The following CLDN10 variants were observed in gnomAD, a reference collection of about 807,000 sequenced individuals.
CLDN10 encodes the protein claudin-10.
Under a neutral mutation model 22.9 loss-of-function variants are expected in CLDN10, and 15 were observed. The ratio of observed to expected loss-of-function variants is 0.65; its 90% CI spans 0.44 to 1.01. The LOEUF (loss-of-function observed/expected upper bound fraction) is 1.01. Among genes scored for constraint, CLDN10 ranks in the 50% least tolerant of loss-of-function variants. CLDN10 has a pLI of 0.00. For missense variants in CLDN10, 247 were observed against 287.8 expected (o/e 0.86, Z 1.03); for synonymous variants, 114 against 111.4 (o/e 1.02, Z -0.15).
At chr13:95,535,902 G>A (rs2043395559) in intron 1 of CLDN10, among the ~76,000 whole-genome samples, 1 of 152,130 alleles carries the variant, frequency 6.6e-6, no homozygotes, top group Non-Finnish European at 1.5e-5. Flanking sequence ...GAGCAACTAT[G>A]AAAAAGGTGC....
At chr13:95,453,221 C>T (rs886513903) in intron 1 of CLDN10, among the ~76,000 whole-genome samples, 2 of 152,210 alleles carry the variant, frequency 1.3e-5, no homozygotes, top group Admixed American at 6.5e-5. Flanking sequence ...CAGGAGTCCC[C>T]TCCCTAAACA....
At chr13:95,442,631 A>G (rs544426521) in intron 1 of CLDN10, among the ~76,000 whole-genome samples, 5 of 152,318 alleles carry the variant, frequency 3.3e-5, no homozygotes, top group Admixed American at 3.3e-4. Context: ...GGGCTCCTAC[A>G]AGCTCAGGGT....
intron 3 of CLDN10, among the ~76,000 whole-genome samples, chr13:95,574,301 C>G (rs1234435929): frequency 2.6e-5 from 4 of 151,936 alleles, no homozygotes; most frequent in African/African-American, 9.7e-5. Context: ...AAAGAACAAA[C>G]AAGAGCCCTC....
At chr13:95,546,356 G>A (rs994915619) in intron 1 of CLDN10, among the ~76,000 whole-genome samples, 3 of 152,022 alleles carry the variant, frequency 2.0e-5, no homozygotes, top group African/African-American at 7.2e-5. Context: ...TAATCTCTCT[G>A]TGGTTCAGTT....
At chr13:95,558,201 T>G (rs79395376) in intron 1 of CLDN10, among the ~76,000 whole-genome samples, 1 of 152,132 alleles carries the variant, frequency 6.6e-6, no homozygotes, top group Admixed American at 6.5e-5. Context: ...ATGAACCAGT[T>G]TGGGTTATCC....
intron 1 of CLDN10, among the ~76,000 whole-genome samples, chr13:95,538,154 T>A (rs1174914710): frequency 0.067 from 288 of 4,268 alleles, 4 homozygotes; most frequent in African/African-American, 0.11. Flanking sequence ...TGTTTATTTC[T>A]TTTTTTTTTT....
chr13:95,442,006 G>T (rs2042329050), intron 1 of CLDN10, among the ~76,000 whole-genome samples: 1 of 152,110 alleles, frequency 6.6e-6, no homozygotes, highest in Admixed American at 6.6e-5. Context: ...CAAAAATTAG[G>T]TGGCCATGAT....
chr13:95,447,350 G>A (rs947637701), intron 1 of CLDN10, among the ~76,000 whole-genome samples: 10 of 152,126 alleles, frequency 6.6e-5, no homozygotes, highest in South Asian at 2.1e-4. Context: ...TCCTTGACGC[G>A]GCGCCTGGTT....
At chr13:95,497,119 G>T (rs1021368551) in intron 1 of CLDN10, 1 of 143,286 alleles carries the variant, frequency 7.0e-6, no homozygotes, top group African/African-American at 2.6e-5. Flanking sequence ...GCCACACAAA[G>T]GAAGCACTAA....
At chr13:95,440,673 G>A (rs768022708) in intron 1 of CLDN10, among the ~76,000 whole-genome samples, 5 of 152,182 alleles carry the variant, frequency 3.3e-5, no homozygotes, top group African/African-American at 7.2e-5. Flanking sequence ...AGAAGCATTC[G>A]ACATGTTCCT....
intron 1 of CLDN10, among the ~76,000 whole-genome samples, chr13:95,524,749 C>T (rs1007633554): frequency 2.0e-4 from 31 of 152,280 alleles, no homozygotes; most frequent in African/African-American, 4.8e-4. Context: ...TTTTCCACAG[C>T]GGCTGCATCA....
At chr13:95,459,546 G>A (rs957687700) in intron 1 of CLDN10, among the ~76,000 whole-genome samples, 6 of 152,182 alleles carry the variant, frequency 3.9e-5, no homozygotes, top group African/African-American at 1.4e-4. Context: ...TGAAACAATG[G>A]TCTGCGCTGT....
chr13:95,510,782 T>C (rs2043087949), intron 1 of CLDN10, among the ~76,000 whole-genome samples: 2 of 152,158 alleles, frequency 1.3e-5, no homozygotes, highest in South Asian at 4.1e-4. Flanking sequence ...TGATAATTCA[T>C]AAATTATATT....
chr13:95,563,202 TA>T (rs1566339779), intron 3 of CLDN10, among the ~76,000 whole-genome samples: 4 of 140,692 alleles, frequency 2.8e-5, no homozygotes, highest in South Asian at 4.7e-4. Flanking sequence ...CTGTGAGAGT[TA>T]AGAGAGGAGA....
intron 1 of CLDN10, among the ~76,000 whole-genome samples, chr13:95,440,185 T>C (rs1348441061): frequency 6.6e-6 from 1 of 152,182 alleles, no homozygotes; most frequent in Non-Finnish European, 1.5e-5. Flanking sequence ...GTGCTGGGAT[T>C]ACAGGCGTGA....
At chr13:95,469,764 A>G (rs2042613323) in intron 1 of CLDN10, among the ~76,000 whole-genome samples, 1 of 152,206 alleles carries the variant, frequency 6.6e-6, no homozygotes, top group Non-Finnish European at 1.5e-5. Context: ...AACACACTCA[A>G]AAAATGCTTA....
At chr13:95,525,344 T>A (rs181326499) in intron 1 of CLDN10, among the ~76,000 whole-genome samples, 2 of 152,328 alleles carry the variant, frequency 1.3e-5, no homozygotes, top group African/African-American at 2.4e-5. Flanking sequence ...ATTGGGTTAT[T>A]TGGGTTTTTA....
chr13:95,505,141 C>T (rs1801186291), intron 1 of CLDN10, among the ~76,000 whole-genome samples: 1 of 152,324 alleles, frequency 6.6e-6, no homozygotes, highest in Admixed American at 6.5e-5. Context: ...TCTTAATTCC[C>T]ATGAAAAGGT....
intron 1 of CLDN10, among the ~76,000 whole-genome samples, chr13:95,509,169 C>T (rs2043070086): frequency 6.6e-6 from 1 of 152,086 alleles, no homozygotes; most frequent in South Asian, 2.1e-4. Flanking sequence ...ACTGGTCAGA[C>T]ATGGGAGATG....
Sources: gnomAD v4.1 joint callset for allele counts (sites outside exome capture counted in the v4.1 genomes callset) on GRCh38, gnomAD v4.1.1 for gene constraint, MANE v1.5 for transcripts, NCBI Gene and HGNC (gene_info 2026-07-23, HGNC 2026-07-21) for gene names.